The following NHSL3 variants were observed in gnomAD, a reference collection of about 807,000 sequenced individuals.
The protein encoded by NHSL3 is NHS-like protein 3.
At chr1:32,767,639 A>T in the NHSL3 span, 1 of 660,702 alleles carries the variant, frequency 1.5e-6, no homozygotes, top group Non-Finnish European at 2.6e-6. Context: ...ACTGTGGGTT[A>T]TGTGTCCAGA....
the NHSL3 span, chr1:32,773,887 C>T: frequency 6.5e-6 from 1 of 152,722 alleles, no homozygotes; most frequent in African/African-American, 2.4e-5. Flanking sequence ...CGGTGCATGT[C>T]CTTTCTGCAG....
the NHSL3 span, chr1:32,771,551 A>G: frequency 6.2e-7 from 1 of 1,606,864 alleles, no homozygotes; most frequent in Non-Finnish European, 8.5e-7. Flanking sequence ...CCCCCACCAG[A>G]GGAGGCTTTT....
chr1:32,762,312 A>C, the NHSL3 span, among the ~76,000 whole-genome samples: 1 of 152,120 alleles, frequency 6.6e-6, no homozygotes, highest in African/African-American at 2.4e-5. Context: ...AGAGAGAAAG[A>C]TGCTATGACA....
At chr1:32,770,485 G>C in the NHSL3 span, 1 of 1,578,654 alleles carries the variant, frequency 6.3e-7, no homozygotes, top group Non-Finnish European at 8.6e-7. This position sits in a 1 kb window ranked among gnomAD's most constrained non-coding sequence, Gnocchi z 8.3. Context: ...CTCCTCTAAG[G>C]GTGGCTCTGA....
At chr1:32,770,475 C>A in the NHSL3 span, 1 of 1,594,326 alleles carries the variant, frequency 6.3e-7, no homozygotes, top group Admixed American at 1.7e-5. This position sits in a 1 kb window ranked among gnomAD's most constrained non-coding sequence, Gnocchi z 8.3. Flanking sequence ...GTTCCACCCT[C>A]TCCTCTAAGG....
the NHSL3 span, among the ~76,000 whole-genome samples, chr1:32,756,478 C>CCCG: frequency 1.8e-5 from 2 of 113,956 alleles, no homozygotes; most frequent in Non-Finnish European, 4.0e-5. Flanking sequence ...AGACCCCCCC[C>CCCG]CCCCGCCCAT....
chr1:32,770,571 C>T, the NHSL3 span: 7 of 1,524,128 alleles, frequency 4.6e-6, no homozygotes, highest in East Asian at 1.6e-4. This position sits in a 1 kb window ranked among gnomAD's most constrained non-coding sequence, Gnocchi z 8.3. Flanking sequence ...GGGGCTCTCC[C>T]AGTGGGGGCA....
At chr1:32,743,351 G>T in the NHSL3 span, among the ~76,000 whole-genome samples, 1 of 152,212 alleles carries the variant, frequency 6.6e-6, no homozygotes, top group African/African-American at 2.4e-5. Flanking sequence ...ATGTGTGATT[G>T]TATCCGGCTT....
the NHSL3 span, chr1:32,770,893 C>T: frequency 1.3e-5 from 21 of 1,609,682 alleles, no homozygotes; most frequent in Admixed American, 1.8e-4. The surrounding 1 kb of genome is among the most constrained non-coding windows in gnomAD (Gnocchi z 8.3). Context: ...GCGCCCCCCA[C>T]GGTCCCCAGA....
the NHSL3 span, among the ~76,000 whole-genome samples, chr1:32,755,880 A>G: frequency 1.3e-5 from 2 of 152,162 alleles, no homozygotes; most frequent in South Asian, 4.1e-4. Context: ...CTAAGGGGGC[A>G]GGGCTGGGGC....
At chr1:32,752,901 GCACACACACACACA>G in the NHSL3 span, among the ~76,000 whole-genome samples, 7 of 71,622 alleles carry the variant, frequency 9.8e-5, no homozygotes, top group African/African-American at 4.0e-4. Context: ...AAAAAAACAT[GCACACACACACACA>G]CACACACACA....
At chr1:32,762,467 C>CA in the NHSL3 span, among the ~76,000 whole-genome samples, 549 of 142,430 alleles carry the variant, frequency 3.9e-3, 1 homozygote, top group Non-Finnish European at 6.6e-3. Flanking sequence ...TATATATTTA[C>CA]TTTTTTTTTT....
chr1:32,758,511 C>T, the NHSL3 span, among the ~76,000 whole-genome samples: 1 of 152,010 alleles, frequency 6.6e-6, no homozygotes, highest in African/African-American at 2.4e-5. Flanking sequence ...TGTCTCGTCC[C>T]CTTTCTTGTG....
chr1:32,769,873 C>G, the NHSL3 span: 2 of 1,611,028 alleles, frequency 1.2e-6, no homozygotes, highest in Non-Finnish European at 1.7e-6. Flanking sequence ...CTCCCTGTCC[C>G]TTCCAGGCCT....
the NHSL3 span, among the ~76,000 whole-genome samples, chr1:32,745,121 GAAAA>G: frequency 1.9e-5 from 2 of 106,270 alleles, no homozygotes; most frequent in Middle Eastern, 5.2e-3. Flanking sequence ...GCGAGACTCA[GAAAA>G]AAAAAAAAGA....
At chr1:32,771,597 A>G in the NHSL3 span, 32 of 1,611,910 alleles carry the variant, frequency 2.0e-5, no homozygotes, top group Non-Finnish European at 2.5e-5. Context: ...CAGGCCCTTC[A>G]GGCTCCCCAG....
the NHSL3 span, chr1:32,742,262 C>T: frequency 8.2e-7 from 1 of 1,217,610 alleles, no homozygotes; most frequent in Non-Finnish European, 1.0e-6. Flanking sequence ...TGCCGGGGGT[C>T]CGCGCGCGGC....
chr1:32,772,557 C>G, the NHSL3 span: 1 of 1,424,452 alleles, frequency 7.0e-7, no homozygotes, highest in Non-Finnish European at 9.2e-7. Context: ...CTGAGAATGC[C>G]TGGGAAGGGC....
At chr1:32,757,168 C>T in the NHSL3 span, among the ~76,000 whole-genome samples, 1 of 152,132 alleles carries the variant, frequency 6.6e-6, no homozygotes, top group African/African-American at 2.4e-5. Context: ...TATAAGTACT[C>T]AAGTGCCAGT....
Sources: allele counts gnomAD v4.1 joint callset (sites outside exome capture counted in the v4.1 genomes callset), GRCh38; gene constraint gnomAD v4.1.1; non-coding constraint Gnocchi (gnomAD v3.1); transcripts MANE v1.5; gene names NCBI Gene and HGNC (gene_info 2026-07-23, HGNC 2026-07-21).